Variants in EYS observed in about 807,000 individuals in gnomAD.
EYS encodes protein eyes shut homolog.
Under a neutral mutation model 282.1 loss-of-function variants are expected in EYS, and 250 were observed. The observed-to-expected ratio is 0.89, with a 90% CI of 0.80 to 0.98. The LOEUF is 0.98. Ranked by LOEUF, EYS falls within the 50% of genes least tolerant of loss-of-function variation. The pLI is 0.00. For missense variants in EYS, 4,016 were observed against 3,709.0 expected (o/e 1.08, Z -2.15); for synonymous variants, 1,355 against 1,282.9 (o/e 1.06, Z -1.20).
intron 30 of EYS, among the ~76,000 whole-genome samples, chr6:64,293,173 A>G (rs1479538665): frequency 6.6e-6 from 1 of 152,104 alleles, no homozygotes; most frequent in Non-Finnish European, 1.5e-5. Flanking sequence ...GGAAATTATG[A>G]TTTCACAAAA....
chr6:65,669,805 C>G (rs995447261), intron 1 of EYS, among the ~76,000 whole-genome samples: 1 of 151,140 alleles, frequency 6.6e-6, no homozygotes, highest in Non-Finnish European at 1.5e-5. Flanking sequence ...TGGACATATG[C>G]GAGTTAACTA....
Position 64,587,694 on chromosome 6 carries a change from C to T in EYS, c.5644+2529G>A, listed in dbSNP as rs539093132. Among the ~76,000 whole-genome samples, 14 of 152,074 alleles carry T rather than the reference C, an allele frequency of 9.2e-5. No individual in the cohort carries two copies. In the South Asian group the frequency reaches 1.0e-3, roughly 11 times the overall value. On this transcript the variant is annotated intron_variant, in intron 26 of 42. Transcript: ENST00000503581. ...CTGGCTATCATTTTAGGTATCTGCACGTTCCTGGAACCCAATCTTTCATGG... is the reference window on the plus strand; with the variant it reads ...CTGGCTATCATTTTAGGTATCTGCATGTTCCTGGAACCCAATCTTTCATGG...
At chr6:65,417,633 A>G (rs1446147931) in intron 5 of EYS, among the ~76,000 whole-genome samples, 1 of 152,072 alleles carries the variant, frequency 6.6e-6, no homozygotes, top group Non-Finnish European at 1.5e-5. Context: ...CAAAGATTAC[A>G]CATAAATGCA....
chr6:64,516,869 G>T (rs934006324), intron 26 of EYS, among the ~76,000 whole-genome samples: 2 of 151,464 alleles, frequency 1.3e-5, no homozygotes, highest in Admixed American at 1.3e-4. Context: ...TTTAATTGTA[G>T]AAAAAATATA....
chr6:64,848,466 C>T (rs9354164), intron 19 of EYS, among the ~76,000 whole-genome samples: 23,152 of 151,894 alleles, frequency 0.15, 1,999 homozygotes, highest in East Asian at 0.43. Flanking sequence ...AAGCAAGAGG[C>T]ACTTCTGGGG....
chr6:63,781,218 T>A (rs1049841642), intron 39 of EYS, among the ~76,000 whole-genome samples: 5 of 152,194 alleles, frequency 3.3e-5, no homozygotes, highest in Non-Finnish European at 7.4e-5. Context: ...CTTAGGATTG[T>A]CTGGGCAATA....
At position 64,509,631 on chromosome 6, in the gene EYS, C is replaced by T. The variant is rs941246789; in HGVS notation, c.5645-70279G>A. On this transcript the variant is annotated intron_variant, in intron 26 of 42. Coordinates refer to ENST00000503581, the MANE Select transcript of EYS (RefSeq NM_001142800.2). ...ACATTAATGGATATGGTTTGGTGTG[C>T]GGTAATTTCCCTGTAGTGAAAGAGT... Among the ~76,000 whole-genome samples the T allele has an allele frequency of 3.9e-5, 6 of 151,968 alleles. No individual in the cohort carries two copies. In the South Asian group the frequency reaches 6.2e-4, roughly 16 times the overall value.
intron 12 of EYS, among the ~76,000 whole-genome samples, chr6:65,248,869 T>G (rs980784590): frequency 6.6e-6 from 1 of 152,020 alleles, no homozygotes; most frequent in Non-Finnish European, 1.5e-5. Flanking sequence ...ATGTATGTGT[T>G]CATGGTATGC....
intron 12 of EYS, among the ~76,000 whole-genome samples, chr6:65,243,728 A>G (rs1767110709): frequency 6.6e-6 from 1 of 151,620 alleles, no homozygotes; most frequent in African/African-American, 2.4e-5. Context: ...ACATAGCGAG[A>G]CCCCCATTTC....
chr6:64,887,569 A>C (rs999337387), intron 18 of EYS, among the ~76,000 whole-genome samples: 2 of 152,074 alleles, frequency 1.3e-5, no homozygotes, highest in African/African-American at 4.8e-5. Context: ...AACTTTCCAT[A>C]AAATGTTTTT....
intron 4 of EYS, chr6:65,491,270 TACACACACACACAC>T (rs57650145): frequency 8.2e-5 from 14 of 170,058 alleles, no homozygotes; most frequent in South Asian, 5.9e-4. Context: ...ATCAGTTATA[TACACACACACACAC>T]ACACACACAC....
rs190943377 is a variant in EYS at position 65,325,645 on chromosome 6, G to A, written c.1766+9335C>T. On this transcript the variant is annotated intron_variant, in intron 11 of 42. Transcript: ENST00000503581. ...TGTCAGGGACAGGGGACTGTGAGGA[G>A]GAGAAGGGGTCTAAAATACTTCCTA... Among the ~76,000 whole-genome samples, 42 of 152,190 alleles carry A rather than the reference G, an allele frequency of 2.8e-4. 2 individuals carry two copies. Among genetic ancestry groups the A allele is most frequent in the African/African-American group, 7.0e-4 (29 of 41,524 alleles).
At chr6:64,088,794 A>C (rs1772251554) in intron 31 of EYS, among the ~76,000 whole-genome samples, 1 of 152,008 alleles carries the variant, frequency 6.6e-6, no homozygotes, top group African/African-American at 2.4e-5. Flanking sequence ...AACTTAGCAG[A>C]ATAAAAGTTA....
At chr6:64,099,634 T>TA (rs749625459) in intron 31 of EYS, among the ~76,000 whole-genome samples, 2 of 152,142 alleles carry the variant, frequency 1.3e-5, no homozygotes, top group Non-Finnish European at 2.9e-5. Context: ...GATGCCTTAA[T>TA]AAAATATATG....
chr6:65,202,018 A>G (rs901715932), intron 12 of EYS, among the ~76,000 whole-genome samples: 2 of 152,082 alleles, frequency 1.3e-5, no homozygotes, highest in Non-Finnish European at 2.9e-5. Flanking sequence ...GGGCTGAGGC[A>G]TGAGAATAGC....
At chr6:64,970,725 G>A (rs753846487) in intron 14 of EYS, among the ~76,000 whole-genome samples, 5 of 152,132 alleles carry the variant, frequency 3.3e-5, no homozygotes, top group Non-Finnish European at 7.3e-5. Context: ...CATATGAAGT[G>A]CCACTAGTGA....
intron 5 of EYS, among the ~76,000 whole-genome samples, chr6:65,476,107 G>A (rs910639233): frequency 1.3e-5 from 2 of 152,116 alleles, no homozygotes; most frequent in South Asian, 2.1e-4. Flanking sequence ...AAAAAGGCAT[G>A]ATTGAATTAG....
chr6:65,667,258 A>T (rs1026239375), intron 1 of EYS, among the ~76,000 whole-genome samples: 1 of 151,872 alleles, frequency 6.6e-6, no homozygotes, highest in African/African-American at 2.4e-5. Flanking sequence ...AAAACTCTTC[A>T]AATTCTTCCA....
At chr6:64,061,668 G>A (rs1771176371) in intron 33 of EYS, among the ~76,000 whole-genome samples, 1 of 152,152 alleles carries the variant, frequency 6.6e-6, no homozygotes, top group Non-Finnish European at 1.5e-5. Flanking sequence ...TACAAGTTGG[G>A]CTTATGGTTT....
Sources: allele counts gnomAD v4.1 joint callset (sites outside exome capture counted in the v4.1 genomes callset), GRCh38; gene constraint gnomAD v4.1.1; transcripts MANE v1.5; gene names NCBI Gene and HGNC (gene_info 2026-07-23, HGNC 2026-07-21).